The following NDNF variants were observed in gnomAD, a reference collection of about 807,000 sequenced individuals.
NDNF encodes the protein neuron derived neurotrophic factor.
NDNF carries 16 observed loss-of-function variants against 42.0 expected under a neutral mutation model. The observed-to-expected ratio is 0.38, with a 90% CI of 0.26 to 0.58. The LOEUF is 0.58. NDNF is among the 20% of genes least tolerant of loss of function. The probability of loss-of-function intolerance (pLI) is 0.67; values close to 1 mark genes in which losing one functional copy is unlikely to be tolerated. For missense variants in NDNF, 616 were observed against 666.2 expected (o/e 0.92, Z 0.83); for synonymous variants, 248 against 251.7 (o/e 0.99, Z 0.14).
In NDNF at chr4:121,039,167, ATATAAAGACTATGTGTGTGTGTG is replaced by A. The variant is rs1350136352; in HGVS notation, c.313+740_313+762del. Among the ~76,000 whole-genome samples the A allele has an allele frequency of 8.7e-4, 74 of 85,354 alleles. 1 individual carries two copies. Among genetic ancestry groups the A allele is most frequent in the African/African-American group, 1.0e-3 (26 of 25,036 alleles). The allele number at this position is 85,354 out of a possible 152,430, so 56.0% of individuals were successfully genotyped here. A position where few individuals can be genotyped will look rare whatever the true frequency, so the allele number is the denominator to read the frequency against. Reference sequence around the variant, plus strand: ...TGTGTATATATATATGTATATATATATATAAAGACTATGTGTGTGTGTGTGTATATATATATATATATATATAT... The same window carrying A: ...TGTGTATATATATATGTATATATATATGTATATATATATATATATATATAT... On this transcript the variant is annotated intron_variant, in intron 3 of 3. Coordinates refer to ENST00000379692, the MANE Select transcript of NDNF (RefSeq NM_024574.4).
At chr4:121,047,742 C>A (rs1727119084) in intron 1 of NDNF, among the ~76,000 whole-genome samples, 1 of 152,166 alleles carries the variant, frequency 6.6e-6, no homozygotes, top group Non-Finnish European at 1.5e-5. Flanking sequence ...AGCAATGCTT[C>A]TGAGACTGAA....
At chr4:121,047,907 CA>C (rs150949775) in intron 1 of NDNF, among the ~76,000 whole-genome samples, 3,116 of 152,284 alleles carry the variant, frequency 0.02, 52 homozygotes, top group Middle Eastern at 0.051. Context: ...GAGTTGCTAA[CA>C]GTAGACAAGG....
At position 121,036,472 on chromosome 4, in the gene NDNF, T is replaced by C; in HGVS notation, c.1499A>G (p.Gln500Arg). The C allele has an allele frequency of 6.2e-7, 1 of 1,614,194 alleles. No homozygotes were observed. Residue 500 changes from glutamine to arginine, a missense_variant, in exon 4 of 4, where the codon CAA becomes CGA. By Grantham distance (43) the Gln-to-Arg change is conservative (BLOSUM62 1). Coordinates refer to ENST00000379692, the MANE Select transcript of NDNF (RefSeq NM_024574.4). Reference sequence around the variant, plus strand: ...CTTCCTTATATCTGGTCCTAGACATTGGTTTTGCTCTCTTTTCTTCTGGTC... The same window carrying C: ...CTTCCTTATATCTGGTCCTAGACATCGGTTTTGCTCTCTTTTCTTCTGGTC... ...NEDQKKREQN[Q>R]CLGPDIRKKS...
At chr4:121,053,812 GC>G (rs1727240724) in intron 1 of NDNF, among the ~76,000 whole-genome samples, 1 of 152,176 alleles carries the variant, frequency 6.6e-6, no homozygotes, top group South Asian at 2.1e-4. Context: ...TGCTTTTCTT[GC>G]TTTTGTTTGG....
At chr4:121,038,983 GA>G (rs796275407) in intron 3 of NDNF, 1,424 of 70,900 alleles carry the variant, frequency 0.02, 19 homozygotes, top group African/African-American at 0.057. Context: ...ACCCTGTCCT[GA>G]AAAAAAAAAA....
intron 1 of NDNF, chr4:121,071,422 G>A (rs1211344214): frequency 6.6e-6 from 1 of 152,170 alleles, no homozygotes; most frequent in Non-Finnish European, 1.5e-5. Context: ...GCAGCTCCCA[G>A]ACGCCCACCA....
At chr4:121,063,404 T>G (rs887246921) in intron 1 of NDNF, among the ~76,000 whole-genome samples, 1 of 152,326 alleles carries the variant, frequency 6.6e-6, no homozygotes, top group South Asian at 2.1e-4. Flanking sequence ...ATAACTTGTC[T>G]CTAAGGTATG....
intron 1 of NDNF, among the ~76,000 whole-genome samples, chr4:121,065,427 A>G (rs1404587790): frequency 2.0e-5 from 3 of 151,986 alleles, no homozygotes; most frequent in Non-Finnish European, 4.4e-5. Context: ...TTTAGAGGCA[A>G]TGGGCAACCT....
At position 121,037,048 on chromosome 4, in the gene NDNF, G is replaced by A. The variant is rs143991157; in HGVS notation, c.923C>T (p.Thr308Met). The A allele has an allele frequency of 2.0e-5, 32 of 1,613,824 alleles. 1 individual carries two copies. In the South Asian group the frequency reaches 2.2e-4, roughly 11 times the overall value. ...CACAAATACATCAAAGTAGTACTGC[G>A]TGTCGGGTTTCAGATCAGAGACGGT... ...IFTVSDLKPD[T>M]QYYFDVFVVN... Residue 308 changes from threonine (T) to methionine (M), a missense_variant, in exon 4 of 4, where the codon ACG becomes ATG. Coordinates refer to ENST00000379692, the MANE Select transcript of NDNF (RefSeq NM_024574.4).
chr4:121,048,313 C>A (rs1459181315), intron 1 of NDNF, among the ~76,000 whole-genome samples: 1 of 152,200 alleles, frequency 6.6e-6, no homozygotes, highest in African/African-American at 2.4e-5. Flanking sequence ...GATACACAGG[C>A]ATATTTGCCT....
At position 121,049,446 on chromosome 4, in the gene NDNF, G is replaced by A. The variant is rs565563910; in HGVS notation, c.-1-3608C>T. 1.2e-3 allele frequency among the ~76,000 whole-genome samples: 186 copies of A among 152,266 alleles called. No individual in the cohort carries two copies. The Middle Eastern group carries it at 0.024, about 19-fold the overall frequency. On this transcript the variant is annotated intron_variant, in intron 1 of 3. Transcript: ENST00000379692. ...CTGGCCCTCTTTGCATCATCCTGTG[G>A]GAAGTGGGGGTCAGGGAGCCAGTGG... is the stretch of plus-strand genomic sequence containing the variant.
chr4:121,069,740 A>T (rs1727557969), intron 1 of NDNF, among the ~76,000 whole-genome samples: 1 of 152,226 alleles, frequency 6.6e-6, no homozygotes, highest in Non-Finnish European at 1.5e-5. Context: ...TCTTTCTCTA[A>T]AGGAAGAAGT....
Position 121,036,315 on chromosome 4 carries a change from C to A in NDNF, c.1656G>T (p.Gly552=), listed in dbSNP as rs1219278194. ...CCTTACTCTGATACTTTACAGAGTGCCCCCCATGTCCTATGACATAAACAT... is the reference window on the plus strand; with the variant it reads ...CCTTACTCTGATACTTTACAGAGTGACCCCCATGTCCTATGACATAAACAT... ...LLDVYVIGHG[G]HSVKYQSKVV... is the part of the protein sequence containing the mutation. Residue 552 remains glycine, a synonymous_variant, in exon 4 of 4, where the codon GGG becomes GGT. Coordinates refer to ENST00000379692, the MANE Select transcript of NDNF (RefSeq NM_024574.4). 4 of 1,613,262 alleles carry A rather than the reference C, an allele frequency of 2.5e-6. No individual in the cohort carries two copies. The highest frequency in any genetic ancestry group is 1.3e-5 in the African/African-American group (1 of 74,862).
At chr4:121,041,846 C>T (rs369806503) in intron 2 of NDNF, among the ~76,000 whole-genome samples, 6 of 152,140 alleles carry the variant, frequency 3.9e-5, no homozygotes, top group African/African-American at 9.7e-5. Context: ...ATCCCATAGA[C>T]GGTAGGGTGA....
intron 1 of NDNF, among the ~76,000 whole-genome samples, chr4:121,047,362 T>G (rs1209017669): frequency 6.6e-6 from 1 of 152,236 alleles, no homozygotes; most frequent in African/African-American, 2.4e-5. Context: ...TGCAAAGCAC[T>G]GTTCTAAGTT....
intron 3 of NDNF, among the ~76,000 whole-genome samples, chr4:121,039,184 GTGTGTGTGTATATATATATATATATATA>G (rs1286453683): frequency 0.12 from 1,876 of 15,846 alleles, 115 homozygotes; most frequent in African/African-American, 0.17. Context: ...GACTATGTGT[GTGTGTGTGTATATATATATATATATATA>G]TATATATATA....
intron 3 of NDNF, chr4:121,037,869 A>T: frequency 2.4e-6 from 1 of 409,058 alleles, no homozygotes; most frequent in Non-Finnish European, 4.3e-6. Flanking sequence ...AATATAAATT[A>T]TTTCTTCAGA....
intron 1 of NDNF, among the ~76,000 whole-genome samples, chr4:121,048,083 C>G (rs1048171509): frequency 1.3e-5 from 2 of 152,184 alleles, no homozygotes; most frequent in African/African-American, 2.4e-5. Flanking sequence ...ACTGAAAATC[C>G]AAATGGCATT....
chr4:121,053,911 C>T (rs561763685), intron 1 of NDNF, among the ~76,000 whole-genome samples: 1 of 152,316 alleles, frequency 6.6e-6, no homozygotes, highest in East Asian at 1.9e-4. Flanking sequence ...AAACTGCATA[C>T]CTCATTCTCT....
Sources: allele counts gnomAD v4.1 joint callset (sites outside exome capture counted in the v4.1 genomes callset), GRCh38; gene constraint gnomAD v4.1.1; transcripts MANE v1.5; gene names NCBI Gene and HGNC (gene_info 2026-07-23, HGNC 2026-07-21).